NRG3: variants seen among roughly 807,000 people sequenced by gnomAD.
NRG3 encodes the protein neuregulin 3.
A neutral mutation model predicts 66.9 loss-of-function variants in NRG3; 31 were observed. That is an observed-to-expected ratio of 0.46 (90% CI 0.35 to 0.63). The LOEUF (loss-of-function observed/expected upper bound fraction) is 0.63. Ranked by LOEUF, NRG3 falls within the 20% of genes least tolerant of loss-of-function variation. The pLI is 0.00. For synonymous variants in NRG3, 393 were observed against 359.4 expected (o/e 1.09, Z -1.06); for missense variants, 910 against 878.9 (o/e 1.04, Z -0.45).
intron 1 of NRG3, among the ~76,000 whole-genome samples, chr10:82,182,367 A>G (rs1045621794): frequency 6.6e-6 from 1 of 151,462 alleles, no homozygotes; most frequent in Non-Finnish European, 1.5e-5. Context: ...TTGATTTTTT[A>G]TAGTGACATG....
chr10:82,811,776 C>T (rs1182676177), intron 3 of NRG3, among the ~76,000 whole-genome samples: 1 of 152,214 alleles, frequency 6.6e-6, no homozygotes, highest in Non-Finnish European at 1.5e-5. Flanking sequence ...AATTGCTTTC[C>T]TTCCCTGCCA....
At position 82,829,855 on chromosome 10, in the gene NRG3, T is replaced by G. The variant is rs571007441; in HGVS notation, c.1028-35556T>G. On this transcript the variant is annotated intron_variant, in intron 3 of 8. Coordinates refer to ENST00000372141, the MANE Select transcript of NRG3 (RefSeq NM_001010848.4). ...AGGCTAATCAAACCTATATTTTGGT[T>G]GATTTTTCTACAAGGTTGTGTCAAG... Among the ~76,000 whole-genome samples the G allele has an allele frequency of 3.3e-5, 5 of 152,290 alleles. No individual in the cohort carries two copies. In the South Asian group the frequency reaches 1.0e-3, roughly 32 times the overall value.
At chr10:82,846,008 C>G (rs2063292559) in intron 3 of NRG3, among the ~76,000 whole-genome samples, 1 of 152,138 alleles carries the variant, frequency 6.6e-6, no homozygotes, top group Admixed American at 6.6e-5. Flanking sequence ...AGATTGTCAA[C>G]AGTCTATAGT....
intron 2 of NRG3, among the ~76,000 whole-genome samples, chr10:82,488,702 T>C (rs373104435): frequency 6.6e-6 from 1 of 152,038 alleles, no homozygotes; most frequent in African/African-American, 2.4e-5. Flanking sequence ...ACTCCAACTC[T>C]GGGGGCTGTG....
At chr10:82,765,828 C>T (rs1309421403) in intron 3 of NRG3, among the ~76,000 whole-genome samples, 1 of 152,096 alleles carries the variant, frequency 6.6e-6, no homozygotes, top group Non-Finnish European at 1.5e-5. Flanking sequence ...TAAATATCAT[C>T]TATATGAACA....
intron 1 of NRG3, among the ~76,000 whole-genome samples, chr10:81,880,515 C>T (rs1218590483): frequency 2.0e-5 from 3 of 152,196 alleles, no homozygotes; most frequent in Non-Finnish European, 4.4e-5. Context: ...TCAGTGCCTT[C>T]CTGGGAGATC....
intron 2 of NRG3, among the ~76,000 whole-genome samples, chr10:82,419,326 C>T (rs1021268647): frequency 1.3e-5 from 2 of 151,880 alleles, no homozygotes; most frequent in African/African-American, 2.4e-5. Context: ...TTAAACATTC[C>T]GGAAATAACT....
At chr10:82,037,976 GGA>G (rs35225848) in intron 1 of NRG3, among the ~76,000 whole-genome samples, 61,245 of 149,560 alleles carry the variant, frequency 0.41, 12,749 homozygotes, top group South Asian at 0.54. Flanking sequence ...TGGGGAGGGG[GGA>G]GAGAGAGAGA....
chr10:81,941,886 G>C lies in NRG3; in HGVS notation c.823+65723G>C, dbSNP rs995349820. ...TTTTACATATTGAACTTCTGCATTA[G>C]CATTTCCCTGGAAAAATAAGTAGTT... On this transcript the variant is annotated intron_variant, in intron 1 of 8. Transcript: ENST00000372141. Among the ~76,000 whole-genome samples the C allele has an allele frequency of 5.3e-5, 8 of 152,032 alleles. No individual in the cohort carries two copies. In the East Asian group the frequency reaches 1.5e-3, roughly 29 times the overall value.
intron 2 of NRG3, among the ~76,000 whole-genome samples, chr10:82,387,558 T>G (rs1381055969): frequency 6.6e-6 from 1 of 152,200 alleles, no homozygotes; most frequent in Non-Finnish European, 1.5e-5. Flanking sequence ...ATTTTTTAGC[T>G]GGAAAACATG....
At chr10:82,890,779 G>A (rs1350486590) in intron 4 of NRG3, among the ~76,000 whole-genome samples, 3 of 152,170 alleles carry the variant, frequency 2.0e-5, no homozygotes, top group African/African-American at 7.2e-5. Context: ...TGCGTAAGAC[G>A]TTCTGTTACT....
At chr10:82,302,552 G>A (rs769609686) in intron 1 of NRG3, among the ~76,000 whole-genome samples, 5 of 152,018 alleles carry the variant, frequency 3.3e-5, no homozygotes, top group Non-Finnish European at 7.4e-5. Context: ...AAATATTAAT[G>A]ATTAATAAAA....
At chr10:82,604,786 C>A (rs1009960187) in intron 2 of NRG3, among the ~76,000 whole-genome samples, 1 of 152,130 alleles carries the variant, frequency 6.6e-6, no homozygotes. Flanking sequence ...AACAACTGAA[C>A]TTAAACAGGC....
At chr10:82,854,066 A>G (rs900885473) in intron 3 of NRG3, among the ~76,000 whole-genome samples, 2 of 152,246 alleles carry the variant, frequency 1.3e-5, no homozygotes, top group Non-Finnish European at 2.9e-5. Context: ...TTCAATAAGC[A>G]TTCACTTGCC....
At chr10:82,811,109 A>G (rs1487905017) in intron 3 of NRG3, among the ~76,000 whole-genome samples, 3 of 152,118 alleles carry the variant, frequency 2.0e-5, no homozygotes, top group Non-Finnish European at 4.4e-5. Context: ...CAAAATAGCC[A>G]TATCTGTCTC....
intron 1 of NRG3, among the ~76,000 whole-genome samples, chr10:82,067,755 G>A (rs1008613713): frequency 5.3e-5 from 8 of 152,166 alleles, no homozygotes; most frequent in African/African-American, 1.9e-4. Flanking sequence ...TTTTGACACA[G>A]AGTGGTGGAA....
intron 3 of NRG3, among the ~76,000 whole-genome samples, chr10:82,859,836 C>G (rs2135909737): frequency 6.6e-6 from 1 of 152,256 alleles, no homozygotes; most frequent in South Asian, 2.1e-4. Context: ...TCCAAAATAT[C>G]TGGTTTTACA....
intron 2 of NRG3, among the ~76,000 whole-genome samples, chr10:82,647,037 G>A (rs2050994468): frequency 6.7e-6 from 1 of 150,050 alleles, no homozygotes; most frequent in African/African-American, 2.5e-5. Context: ...AAGTTTTAGG[G>A]TACATGTGCA....
intron 1 of NRG3, among the ~76,000 whole-genome samples, chr10:82,098,335 C>G (rs1027101263): frequency 1.3e-5 from 2 of 150,818 alleles, no homozygotes; most frequent in Non-Finnish European, 3.0e-5. Flanking sequence ...ATATATATGA[C>G]ATATATATAG....
Sources: gnomAD v4.1 joint callset for allele counts (sites outside exome capture counted in the v4.1 genomes callset) on GRCh38, gnomAD v4.1.1 for gene constraint, MANE v1.5 for transcripts, NCBI Gene and HGNC (gene_info 2026-07-23, HGNC 2026-07-21) for gene names.